The following KBTBD12 variants were observed in gnomAD, a reference collection of about 807,000 sequenced individuals.
KBTBD12 encodes kelch repeat and BTB domain-containing protein 12.
In KBTBD12, 53 loss-of-function variants were observed where a neutral mutation model predicts 58.7. That is an observed-to-expected ratio of 0.90 (90% CI 0.72 to 1.14). The LOEUF is 1.14. KBTBD12 is among the 50% of genes most tolerant of loss of function. The pLI, the probability that KBTBD12 is intolerant of heterozygous loss-of-function variation, is 0.00. For missense variants in KBTBD12, 704 were observed against 751.3 expected, an observed-to-expected ratio of 0.94 and a Z score of 0.74; for synonymous variants, 236 against 259.8, an observed-to-expected ratio of 0.91 and a Z score of 0.88.
In KBTBD12 at chr3:127,976,372, G is replaced by A. The variant is rs1043795189; in HGVS notation, c.1691-7725G>A. 1.4e-4 allele frequency among the ~76,000 whole-genome samples: 22 copies of A among 152,066 alleles called. 1 individual carries two copies. The highest frequency in any genetic ancestry group is 1.2e-3 in the Admixed American group (18 of 15,264). ...TCTTAAATCTGGAACATGTCGACACGCCCTTTTTCCCCCCTTTTTACAACA... is the reference window on the plus strand; with the variant it reads ...TCTTAAATCTGGAACATGTCGACACACCCTTTTTCCCCCCTTTTTACAACA... On this transcript the variant is annotated intron_variant, in intron 5 of 5. Coordinates refer to ENST00000405109, the MANE Select transcript of KBTBD12 (RefSeq NM_207335.4).
At chr3:127,969,623 A>G (rs952607871) in intron 5 of KBTBD12, among the ~76,000 whole-genome samples, 2 of 152,230 alleles carry the variant, frequency 1.3e-5, no homozygotes, top group South Asian at 2.1e-4. Flanking sequence ...TAGACAAAAC[A>G]TATCGATCAG....
At chr3:127,936,967 C>G (rs975004584) in intron 4 of KBTBD12, among the ~76,000 whole-genome samples, 13 of 152,236 alleles carry the variant, frequency 8.5e-5, no homozygotes, top group Middle Eastern at 3.4e-3. Flanking sequence ...AAAGAAAAAG[C>G]TTGAATCATG....
intron 4 of KBTBD12, among the ~76,000 whole-genome samples, chr3:127,934,933 G>A (rs1319390324): frequency 6.6e-6 from 1 of 152,136 alleles, no homozygotes; most frequent in Admixed American, 6.6e-5. Context: ...CAGACAGAAC[G>A]GAGGTGATGC....
chr3:127,956,868 T>C (rs1940330997), intron 4 of KBTBD12, among the ~76,000 whole-genome samples: 1 of 152,246 alleles, frequency 6.6e-6, no homozygotes, highest in African/African-American at 2.4e-5. Flanking sequence ...TGCAGCTTAA[T>C]GTGTAGAACT....
intron 5 of KBTBD12, among the ~76,000 whole-genome samples, chr3:127,983,053 G>C (rs534892437): frequency 1.3e-5 from 2 of 152,282 alleles, no homozygotes; most frequent in African/African-American, 2.4e-5. Flanking sequence ...GTGGAAATAG[G>C]GCAGTTTCAA....
At position 127,915,274 on chromosome 3, in the gene KBTBD12, A is replaced by G. The variant is rs565488642; in HGVS notation, c.-425A>G. On this transcript the variant is annotated 5_prime_UTR_variant, in exon 1 of 6. Transcript: ENST00000405109. ...GCGCGGGGAGACCCTGTGCAGCGACACCGGGGCTGTAGTCGCCGTCTGGAA... is the reference window on the plus strand; with the variant it reads ...GCGCGGGGAGACCCTGTGCAGCGACGCCGGGGCTGTAGTCGCCGTCTGGAA... The G allele has an allele frequency of 7.2e-5, 11 of 152,298 alleles. 1 individual carries two copies. Among genetic ancestry groups the G allele is most frequent in the African/African-American group, 2.6e-4 (11 of 41,518 alleles). 9.4% of individuals were successfully genotyped at this position (152,298 alleles called of 1,614,324 possible). A position where few individuals can be genotyped will look rare whatever the true frequency, so the allele number is the denominator to read the frequency against.
chr3:127,948,025 A>G (rs1940121990), intron 4 of KBTBD12, among the ~76,000 whole-genome samples: 1 of 152,230 alleles, frequency 6.6e-6, no homozygotes, highest in Non-Finnish European at 1.5e-5. Context: ...AAAGAAGTGG[A>G]AGAATGGTTA....
chr3:127,985,931 A>G lies in KBTBD12; in HGVS notation c.*1653A>G, dbSNP rs1369801793. ...CTTACTCTTTCCCCAGTGGATGATC[A>G]TGATCTGTGCATTCTTTTTCTTGCT... is the stretch of plus-strand genomic sequence containing the variant. On this transcript the variant is annotated 3_prime_UTR_variant, in exon 6 of 6. Coordinates refer to ENST00000405109, the MANE Select transcript of KBTBD12 (RefSeq NM_207335.4). 6.6e-6 allele frequency: 1 copy of G among 152,382 alleles called. No individual in the cohort carries two copies. Among genetic ancestry groups the G allele is most frequent in the African/African-American group, 2.4e-5 (1 of 41,456 alleles). The allele number at this position is 152,382 out of a possible 1,614,324, so 9.4% of individuals were successfully genotyped here. A position where few individuals can be genotyped will look rare whatever the true frequency, so the allele number is the denominator to read the frequency against.
intron 4 of KBTBD12, among the ~76,000 whole-genome samples, chr3:127,944,673 T>C (rs966580356): frequency 1.1e-4 from 17 of 152,170 alleles, no homozygotes; most frequent in Non-Finnish European, 1.9e-4. Context: ...TTCTTTTTCT[T>C]GTCTATTTGC....
At chr3:127,983,794 C>A (rs1940917693) in intron 5 of KBTBD12, among the ~76,000 whole-genome samples, 1 of 152,086 alleles carries the variant, frequency 6.6e-6, no homozygotes, top group African/African-American at 2.4e-5. Flanking sequence ...CTCTTTTACT[C>A]CTTCCCTGTC....
intron 5 of KBTBD12, among the ~76,000 whole-genome samples, chr3:127,965,703 T>C (rs1342068267): frequency 6.6e-6 from 1 of 152,236 alleles, no homozygotes; most frequent in African/African-American, 2.4e-5. Flanking sequence ...GTAATAAACA[T>C]AGTAATTTGT....
intron 4 of KBTBD12, among the ~76,000 whole-genome samples, chr3:127,933,539 C>T (rs1190732362): frequency 1.3e-5 from 2 of 152,076 alleles, no homozygotes; most frequent in East Asian, 3.9e-4. Context: ...CCCTGGAGGC[C>T]AAGAAAGCTG....
chr3:127,923,946 G>C lies in KBTBD12; in HGVS notation c.885G>C (p.Gly295=), dbSNP rs537449514. 40 of 1,613,842 alleles carry C rather than the reference G, an allele frequency of 2.5e-5. No homozygotes were observed. In the Middle Eastern group the frequency reaches 5.0e-4, roughly 20 times the overall value. ...TCAGATCAAGACATAGGAGCTATGG[G>C]GATGCCAGTTTTTGTTATGATCCTG... ...SGIRSRHRSY[G]DASFCYDPVS... Residue 295 remains glycine, a synonymous_variant, in exon 2 of 6, where the codon GGG becomes GGC. Coordinates refer to ENST00000405109, the MANE Select transcript of KBTBD12 (RefSeq NM_207335.4).
intron 5 of KBTBD12, among the ~76,000 whole-genome samples, chr3:127,976,695 G>A (rs988784505): frequency 2.6e-5 from 4 of 152,176 alleles, no homozygotes; most frequent in African/African-American, 9.6e-5. Context: ...GTAAAACCAT[G>A]CAGTTCACTT....
At chr3:127,977,200 A>G (rs988157265) in intron 5 of KBTBD12, among the ~76,000 whole-genome samples, 14 of 152,190 alleles carry the variant, frequency 9.2e-5, no homozygotes, top group African/African-American at 3.1e-4. Context: ...ATAGTATTCC[A>G]TGGTGTCTAC....
At chr3:127,962,810 G>A (rs1035652106) in intron 4 of KBTBD12, among the ~76,000 whole-genome samples, 3 of 152,172 alleles carry the variant, frequency 2.0e-5, no homozygotes, top group Non-Finnish European at 4.4e-5. Context: ...ATCAGCAAAA[G>A]CATTGCTAAC....
chr3:127,983,660 G>A lies in KBTBD12; in HGVS notation c.1691-437G>A, dbSNP rs1024137916. ...CCCAGCTACTCAGGAGGGTGAGGCG[G>A]GAGAATTGCTTGAACCCGGGAGGCG... On this transcript the variant is annotated intron_variant, in intron 5 of 5. Coordinates refer to ENST00000405109, the MANE Select transcript of KBTBD12 (RefSeq NM_207335.4). 2.6e-5 allele frequency among the ~76,000 whole-genome samples: 4 copies of A among 152,126 alleles called. No individual in the cohort carries two copies. In the East Asian group the frequency reaches 7.7e-4, roughly 29 times the overall value.
At chr3:127,938,774 C>T (rs1339288166) in intron 4 of KBTBD12, among the ~76,000 whole-genome samples, 2 of 152,246 alleles carry the variant, frequency 1.3e-5, no homozygotes, top group African/African-American at 4.8e-5. Context: ...AAAGCAAAAT[C>T]GATTAATAGA....
intron 1 of KBTBD12, among the ~76,000 whole-genome samples, chr3:127,919,301 G>A (rs1414746130): frequency 6.6e-6 from 1 of 152,146 alleles, no homozygotes; most frequent in Non-Finnish European, 1.5e-5. Context: ...CACGATCTTG[G>A]CTCACTGCAA....
Sources: allele counts gnomAD v4.1 joint callset (sites outside exome capture counted in the v4.1 genomes callset), GRCh38; gene constraint gnomAD v4.1.1; transcripts MANE v1.5; gene names NCBI Gene and HGNC (gene_info 2026-07-23, HGNC 2026-07-21).